Variants in GPC6 observed in about 807,000 individuals in gnomAD.
GPC6 encodes glypican 6, also known as glypican-6.
GPC6 carries 14 observed loss-of-function variants against 55.2 expected under a neutral mutation model. The observed-to-expected ratio is 0.25, with a 90% CI of 0.17 to 0.40. The LOEUF (loss-of-function observed/expected upper bound fraction) is 0.40. Among genes scored for constraint, GPC6 ranks in the 10% least tolerant of loss-of-function variants. The probability of loss-of-function intolerance (pLI) is 1.00; values close to 1 mark genes in which losing one functional copy is unlikely to be tolerated. For missense variants in GPC6, 641 were observed against 708.5 expected, an observed-to-expected ratio of 0.90 and a Z score of 1.08; for synonymous variants, 278 against 259.6, an observed-to-expected ratio of 1.07 and a Z score of -0.68.
Position 94,403,488 on chromosome 13 carries a change from T to A in GPC6, c.*271T>A, listed in dbSNP as rs114342753. 1,381 of 471,538 alleles carry A rather than the reference T, an allele frequency of 2.9e-3. 24 individuals carry two copies. Among genetic ancestry groups the A allele is most frequent in the African/African-American group, 0.025 (1,276 of 50,990 alleles). The allele number at this position is 471,538 out of a possible 1,614,324, so 29.2% of individuals were successfully genotyped here. A position where few individuals can be genotyped will look rare whatever the true frequency, so the allele number is the denominator to read the frequency against. ...AAATTTTTCGTACCAGGAGATTTTC[T>A]TACCTTCATTTGCTTTTATGCTGCA... On this transcript the variant is annotated 3_prime_UTR_variant, in exon 9 of 9. Transcript: ENST00000377047.
At chr13:94,327,363 T>C (rs898525690) in intron 6 of GPC6, among the ~76,000 whole-genome samples, 35 of 152,182 alleles carry the variant, frequency 2.3e-4, no homozygotes, top group Non-Finnish European at 4.3e-4. Context: ...CTCCCTTTTG[T>C]GGGCCTTTTG....
intron 2 of GPC6, among the ~76,000 whole-genome samples, chr13:93,624,296 C>G (rs1167584722): frequency 6.6e-6 from 1 of 152,096 alleles, no homozygotes; most frequent in Non-Finnish European, 1.5e-5. Flanking sequence ...CTAAGGAGCT[C>G]TCTTAAAATA....
chr13:94,280,480 G>A (rs192108172), intron 4 of GPC6, among the ~76,000 whole-genome samples: 95 of 152,184 alleles, frequency 6.2e-4, no homozygotes, highest in African/African-American at 2.0e-3. Flanking sequence ...ATCGATTTGG[G>A]TGAAAGCAAA....
chr13:93,647,038 T>C (rs1880204103), intron 2 of GPC6, among the ~76,000 whole-genome samples: 1 of 152,124 alleles, frequency 6.6e-6, no homozygotes, highest in African/African-American at 2.4e-5. Context: ...GACTCCGTGA[T>C]ATTAATGGAG....
intron 1 of GPC6, among the ~76,000 whole-genome samples, chr13:93,438,231 A>G (rs974901821): frequency 3.3e-5 from 5 of 152,288 alleles, no homozygotes; most frequent in South Asian, 2.1e-4. Context: ...ATTCCTGCTA[A>G]CACGATACCC....
chr13:93,657,531 A>T (rs1394431205), intron 2 of GPC6, among the ~76,000 whole-genome samples: 1 of 152,158 alleles, frequency 6.6e-6, no homozygotes, highest in Non-Finnish European at 1.5e-5. Flanking sequence ...CATTCTGGAC[A>T]TAGATCCTGG....
chr13:93,656,302 T>A (rs1880662727), intron 2 of GPC6, among the ~76,000 whole-genome samples: 1 of 152,142 alleles, frequency 6.6e-6, no homozygotes, highest in African/African-American at 2.4e-5. Context: ...CAGTTATTGA[T>A]TTTATAGTGA....
chr13:93,680,017 G>A (rs144783749), intron 2 of GPC6, among the ~76,000 whole-genome samples: 345 of 152,256 alleles, frequency 2.3e-3, no homozygotes, highest in Middle Eastern at 6.8e-3. Flanking sequence ...TGTGGATATG[G>A]AGAAATAGAA....
In GPC6 at chr13:93,404,595, AT is replaced by A. The variant is rs557379554; in HGVS notation, c.161-140664del. ...TTGATTGATTAGCTTCCTAAATTAC[AT>A]TTTAAAATCAGTCTTATTTTCTGCT... On this transcript the variant is annotated intron_variant, in intron 1 of 8. Transcript: ENST00000377047. Among the ~76,000 whole-genome samples, 27 of 152,278 alleles carry A rather than the reference AT, an allele frequency of 1.8e-4. 1 individual carries two copies. In the East Asian group the frequency reaches 5.0e-3, roughly 28 times the overall value.
At chr13:93,660,764 TA>T (rs574595738) in intron 2 of GPC6, among the ~76,000 whole-genome samples, 13 of 152,222 alleles carry the variant, frequency 8.5e-5, no homozygotes, top group Non-Finnish European at 1.8e-4. Flanking sequence ...TTGAACTCAT[TA>T]AAGAGGATCT....
chr13:94,067,930 C>T (rs1480342398), intron 4 of GPC6, among the ~76,000 whole-genome samples: 1 of 152,150 alleles, frequency 6.6e-6, no homozygotes, highest in Admixed American at 6.5e-5. Flanking sequence ...CTCAGATTCA[C>T]CATTGTGTTC....
intron 7 of GPC6, among the ~76,000 whole-genome samples, chr13:94,397,613 CT>C (rs1308136070): frequency 6.6e-6 from 1 of 152,154 alleles, no homozygotes; most frequent in East Asian, 1.9e-4. Context: ...TCCAGAATTT[CT>C]TCTGATTAAG....
intron 2 of GPC6, among the ~76,000 whole-genome samples, chr13:93,784,367 A>G (rs1028007899): frequency 6.6e-6 from 1 of 152,248 alleles, no homozygotes. Context: ...TCTTCCTTCT[A>G]TCCAAACAAT....
At chr13:94,179,726 G>A (rs985963304) in intron 4 of GPC6, among the ~76,000 whole-genome samples, 4 of 152,132 alleles carry the variant, frequency 2.6e-5, no homozygotes, top group African/African-American at 9.7e-5. Context: ...ACAACAGGAG[G>A]AAAATTTTGC....
intron 1 of GPC6, among the ~76,000 whole-genome samples, chr13:93,427,873 C>A (rs1252387029): frequency 6.6e-6 from 1 of 152,214 alleles, no homozygotes; most frequent in Non-Finnish European, 1.5e-5. Flanking sequence ...GATACCTACA[C>A]ATGCAGGCTT....
chr13:94,108,069 A>G (rs1886119477), intron 4 of GPC6, among the ~76,000 whole-genome samples: 1 of 152,278 alleles, frequency 6.6e-6, no homozygotes, highest in African/African-American at 2.4e-5. Context: ...GTCATTATTT[A>G]CAAAAGATAC....
chr13:94,190,568 C>G (rs1029281480), intron 4 of GPC6, among the ~76,000 whole-genome samples: 2 of 152,128 alleles, frequency 1.3e-5, no homozygotes, highest in African/African-American at 2.4e-5. Context: ...AGTCTTCATC[C>G]TGGGCTAAAG....
At chr13:93,327,538 C>A (rs1389011879) in intron 1 of GPC6, among the ~76,000 whole-genome samples, 1 of 152,002 alleles carries the variant, frequency 6.6e-6, no homozygotes, top group Non-Finnish European at 1.5e-5. Flanking sequence ...ATTAGGGAGA[C>A]AATGGTTATG....
At chr13:93,334,391 T>C (rs1879970973) in intron 1 of GPC6, among the ~76,000 whole-genome samples, 1 of 152,088 alleles carries the variant, frequency 6.6e-6, no homozygotes, top group Non-Finnish European at 1.5e-5. Flanking sequence ...CCTGCTAAGA[T>C]TTTGTTTAGG....
Sources: gnomAD v4.1 joint callset for allele counts (sites outside exome capture counted in the v4.1 genomes callset) on GRCh38, gnomAD v4.1.1 for gene constraint, MANE v1.5 for transcripts, NCBI Gene and HGNC (gene_info 2026-07-23, HGNC 2026-07-21) for gene names.